Variants in PHACTR4 observed in about 807,000 individuals in gnomAD.
PHACTR4 encodes the protein protein phosphatase 1, regulatory subunit 124.
Under a neutral mutation model 72.7 loss-of-function variants are expected in PHACTR4, and 51 were observed. That is an observed-to-expected ratio of 0.70 (90% confidence interval 0.56 to 0.89). The LOEUF is 0.89. Among genes scored for constraint, PHACTR4 ranks in the 40% least tolerant of loss-of-function variants. PHACTR4 has a pLI of 0.00. For missense variants in PHACTR4, 731 were observed against 861.8 expected, an observed-to-expected ratio of 0.85 and a Z score of 1.90; for synonymous variants, 255 against 302.5, an observed-to-expected ratio of 0.84 and a Z score of 1.63.
intron 1 of PHACTR4, among the ~76,000 whole-genome samples, chr1:28,398,237 G>A (rs1274032114): frequency 6.6e-6 from 1 of 152,088 alleles, no homozygotes; most frequent in African/African-American, 2.4e-5. Context: ...TATCTGTTGG[G>A]TGGCTGGCCG....
chr1:28,373,724 C>T (rs949048938), intron 1 of PHACTR4, among the ~76,000 whole-genome samples: 1 of 152,184 alleles, frequency 6.6e-6, no homozygotes, highest in African/African-American at 2.4e-5. Flanking sequence ...CCATGCCCGG[C>T]CTCCCAGTAC....
intron 13 of PHACTR4, among the ~76,000 whole-genome samples, chr1:28,495,362 C>A (rs953585439): frequency 6.6e-6 from 1 of 152,116 alleles, no homozygotes; most frequent in African/African-American, 2.4e-5. Context: ...CCCATCTTGG[C>A]CTCCCGAAGT....
intron 6 of PHACTR4, among the ~76,000 whole-genome samples, chr1:28,470,521 T>C (rs1659493636): frequency 6.8e-6 from 1 of 147,328 alleles, no homozygotes. Flanking sequence ...GAAACCCATC[T>C]CTACAAAAAA....
intron 2 of PHACTR4, among the ~76,000 whole-genome samples, chr1:28,455,977 G>A (rs145001197): frequency 6.6e-6 from 1 of 152,084 alleles, no homozygotes; most frequent in East Asian, 1.9e-4. Flanking sequence ...ATGTTGCTCT[G>A]TTTTTTGTAT....
At chr1:28,453,567 T>G in intron 2 of PHACTR4, 1 of 765,154 alleles carries the variant, frequency 1.3e-6, no homozygotes, top group South Asian at 1.6e-5. Flanking sequence ...GAGTGGGACT[T>G]GGGCAGCAGA....
intron 1 of PHACTR4, among the ~76,000 whole-genome samples, chr1:28,375,164 T>C (rs1651548897): frequency 6.6e-6 from 1 of 152,020 alleles, no homozygotes; most frequent in Admixed American, 6.6e-5. Context: ...CTGGGGGTGG[T>C]GGCCCATGCC....
intron 8 of PHACTR4, among the ~76,000 whole-genome samples, chr1:28,478,572 C>T (rs749061432): frequency 6.6e-6 from 1 of 152,124 alleles, no homozygotes; most frequent in Non-Finnish European, 1.5e-5. Context: ...GCTGGGATTA[C>T]AGGTGTGTAT....
chr1:28,457,789 C>T, intron 2 of PHACTR4: 1 of 980,492 alleles, frequency 1.0e-6, no homozygotes, highest in African/African-American at 1.7e-5. Context: ...ACTTTAATTT[C>T]AGGATGGTTT....
chr1:28,430,115 C>T (rs990336387), intron 2 of PHACTR4, among the ~76,000 whole-genome samples: 27 of 152,056 alleles, frequency 1.8e-4, no homozygotes, highest in African/African-American at 2.2e-4. Flanking sequence ...CTCCGTCTCC[C>T]GGGTTCACGC....
chr1:28,412,833 C>T (rs7518249), intron 2 of PHACTR4, among the ~76,000 whole-genome samples: 58,662 of 151,988 alleles, frequency 0.39, 13,014 homozygotes, highest in African/African-American at 0.6. Context: ...AGATTTAATC[C>T]TGGAGATTGT....
At chr1:28,392,285 A>T (rs1021088378) in intron 1 of PHACTR4, among the ~76,000 whole-genome samples, 2 of 152,136 alleles carry the variant, frequency 1.3e-5, no homozygotes, top group Non-Finnish European at 2.9e-5. Flanking sequence ...TTGGTTGTCA[A>T]ATTAACTCAG....
chr1:28,486,653 C>T (rs879524500), intron 9 of PHACTR4, among the ~76,000 whole-genome samples: 3 of 151,702 alleles, frequency 2.0e-5, no homozygotes, highest in Non-Finnish European at 2.9e-5. Flanking sequence ...GATCACTTAA[C>T]GTCTGGAGTT....
At chr1:28,377,074 C>T (rs186014252) in intron 1 of PHACTR4, among the ~76,000 whole-genome samples, 81 of 152,046 alleles carry the variant, frequency 5.3e-4, no homozygotes, top group African/African-American at 1.7e-3. Context: ...GGATTATAGG[C>T]GCTCACCACC....
At chr1:28,421,921 C>G (rs1464161791) in intron 2 of PHACTR4, among the ~76,000 whole-genome samples, 2 of 152,156 alleles carry the variant, frequency 1.3e-5, no homozygotes, top group African/African-American at 4.8e-5. Flanking sequence ...TATCCTAACC[C>G]CACCCCAAAG....
At chr1:28,420,397 T>C (rs1655437631) in intron 2 of PHACTR4, among the ~76,000 whole-genome samples, 1 of 152,142 alleles carries the variant, frequency 6.6e-6, no homozygotes, top group Non-Finnish European at 1.5e-5. Context: ...CCCCCTTCAC[T>C]CAGCCCTTCT....
intron 1 of PHACTR4, among the ~76,000 whole-genome samples, chr1:28,372,048 ATTTT>A (rs761764882): frequency 5.8e-5 from 8 of 137,310 alleles, no homozygotes; most frequent in Non-Finnish European, 1.3e-4. Context: ...CTCCCGGCTA[ATTTT>A]TTTTTTTTTT....
chr1:28,402,263 TG>T (rs1050117674), intron 1 of PHACTR4, among the ~76,000 whole-genome samples: 1 of 151,834 alleles, frequency 6.6e-6, no homozygotes, highest in African/African-American at 2.4e-5. Context: ...AGGGAATACC[TG>T]GGGGGGAAAA....
chr1:28,446,057 A>G (rs1404900311), intron 2 of PHACTR4, among the ~76,000 whole-genome samples: 1 of 152,172 alleles, frequency 6.6e-6, no homozygotes, highest in Non-Finnish European at 1.5e-5. Flanking sequence ...TTGGAGAAAA[A>G]GGCTTAGTAG....
At chr1:28,464,877 T>A (rs1202414449) in intron 4 of PHACTR4, among the ~76,000 whole-genome samples, 2 of 151,978 alleles carry the variant, frequency 1.3e-5, no homozygotes, top group East Asian at 3.9e-4. Context: ...ATAATTTTTG[T>A]ATTTTTAGTA....
Sources: gnomAD v4.1 joint callset for allele counts (sites outside exome capture counted in the v4.1 genomes callset) on GRCh38, gnomAD v4.1.1 for gene constraint, MANE v1.5 for transcripts, NCBI Gene and HGNC (gene_info 2026-07-23, HGNC 2026-07-21) for gene names.